The following MTOR variants were observed in gnomAD, a reference collection of about 807,000 sequenced individuals.
MTOR encodes the protein mechanistic target of rapamycin kinase.
Under a neutral mutation model 319.8 loss-of-function variants are expected in MTOR, and 70 were observed. That is an observed-to-expected ratio of 0.22 (90% confidence interval 0.18 to 0.27). The LOEUF (loss-of-function observed/expected upper bound fraction) is 0.27, where lower values mean the gene tolerates loss of function less well. Ranked by LOEUF, MTOR falls within the 10% of genes least tolerant of loss-of-function variation. MTOR has a pLI of 1.00. For missense variants in MTOR, 1,890 were observed against 3,274.4 expected (o/e 0.58, Z 10.32); for synonymous variants, 1,183 against 1,211.4 (o/e 0.98, Z 0.49).
In MTOR at chr1:11,144,280, A is replaced by C. The variant is rs566368830; in HGVS notation, c.4872+368T>G. 3.9e-5 allele frequency: 7 copies of C among 178,326 alleles called. No homozygotes were observed. In the South Asian group the frequency reaches 8.7e-4, roughly 22 times the overall value. 11.0% of individuals were successfully genotyped at this position (178,326 alleles called of 1,614,324 possible). On this transcript the variant is annotated intron_variant, in intron 34 of 57. Coordinates refer to ENST00000361445, the MANE Select transcript of MTOR (RefSeq NM_004958.4). Reference sequence around the variant, plus strand: ...CCCCAGAAATTTAATTGGCCTGGGGAATAGCCTGGGCATCAGGATTTTAAA... The same window carrying C: ...CCCCAGAAATTTAATTGGCCTGGGGCATAGCCTGGGCATCAGGATTTTAAA...
At chr1:11,108,107 T>C in intron 57 of MTOR, 74 bp downstream of exon 57, 1 of 1,196,284 alleles carries the variant, frequency 8.4e-7, no homozygotes, top group Non-Finnish European at 1.2e-6. Context: ...CTCTTTTTGC[T>C]ACTCTGGCTT....
chr1:11,255,963 T>C lies in MTOR; in HGVS notation c.705+29A>G. On this transcript the variant is annotated intron_variant, in intron 5 of 57. Transcript: ENST00000361445. Reference sequence around the variant, plus strand: ...GATTCTCTACGCAGATGTGCTTTGCTAGTGGTGGGAATGGAGCCATCTCCT... The same window carrying C: ...GATTCTCTACGCAGATGTGCTTTGCCAGTGGTGGGAATGGAGCCATCTCCT... 1.9e-6 allele frequency: 3 copies of C among 1,599,276 alleles called. No individual in the cohort carries two copies. The South Asian group carries it at 3.3e-5, about 18-fold the overall frequency.
intron 21 of MTOR, 22 bp downstream of exon 21, chr1:11,213,377 G>A (rs1360573069): frequency 6.2e-7 from 1 of 1,601,932 alleles, no homozygotes; most frequent in Admixed American, 1.7e-5. Context: ...AATCTCTCTG[G>A]AGGATGACGT....
At position 11,199,862 on chromosome 1, in the gene MTOR, T is replaced by C. The variant is rs955721737; in HGVS notation, c.3945-159A>G. ...TCCAAGAGAATTTTCCTGTCCAATA[T>C]GGTAGCCAGTGATCACTAAAGCACT... On this transcript the variant is annotated intron_variant, in intron 26 of 57. Transcript: ENST00000361445. This position sits in a 1 kb window ranked among gnomAD's most constrained non-coding sequence, Gnocchi z 4.5. Among the ~76,000 whole-genome samples the C allele has an allele frequency of 6.6e-6, 1 of 152,208 alleles. No individual in the cohort carries two copies. Among genetic ancestry groups the C allele is most frequent in the African/African-American group, 2.4e-5 (1 of 41,454 alleles).
At chr1:11,166,788 T>C (rs577544563) in intron 29 of MTOR, among the ~76,000 whole-genome samples, 1 of 152,346 alleles carries the variant, frequency 6.6e-6, no homozygotes, top group African/African-American at 2.4e-5. Flanking sequence ...TAAAGACACA[T>C]GCACACATGA....
intron 21 of MTOR, 82 bp downstream of exon 21, chr1:11,213,317 T>G: frequency 6.9e-7 from 1 of 1,455,716 alleles, no homozygotes; most frequent in Non-Finnish European, 9.3e-7. Flanking sequence ...TCACTCAGAA[T>G]GAGGTCTCAG....
At position 11,212,384 on chromosome 1, in the gene MTOR, C is replaced by T. The variant is rs1646340449; in HGVS notation, c.3489G>A (p.Leu1163=). 3.1e-6 allele frequency: 5 copies of T among 1,614,098 alleles called. No individual in the cohort carries two copies. The South Asian group carries it at 5.5e-5, about 18-fold the overall frequency. The change falls in exon 23 of 58, where the codon CTG becomes CTA. Residue 1163 remains leucine, a synonymous_variant. Coordinates refer to ENST00000361445, the MANE Select transcript of MTOR (RefSeq NM_004958.4). The surrounding 1 kb of genome is among the most constrained non-coding windows in gnomAD (Gnocchi z 4.1). ...SRIIHPIVRT[L]DQSPELRSTA... ...TGGAGCGCAGTTCTGGGCTCTGGTC[C>T]AGTGTTCGAACAATAGGGTGAATGA...
Position 11,216,193 on chromosome 1 carries a change from C to T in MTOR, c.3072G>A (p.Lys1024=). 1 of 1,614,054 alleles carries T rather than the reference C, an allele frequency of 6.2e-7. No homozygotes were observed. The highest frequency in any genetic ancestry group is 8.5e-7 in the Non-Finnish European group (1 of 1,179,926). Residue 1024 remains lysine (K), a synonymous_variant, in exon 20 of 58, where the codon AAG becomes AAA. Transcript: ENST00000361445. ...QQLGMLVSFV[K]SHIRPYMDEI... ...CATCCATATAAGGTCTGATGTGGCT[C>T]TTCACAAAGGACACCAACATTCCCA...
intron 28 of MTOR, chr1:11,193,562 G>A: frequency 2.6e-6 from 4 of 1,564,158 alleles, no homozygotes; most frequent in Non-Finnish European, 3.5e-6. Context: ...CCTCACCAGA[G>A]TATCCCCTCT....
intron 28 of MTOR, among the ~76,000 whole-genome samples, chr1:11,198,600 T>C (rs974275969): frequency 2.0e-5 from 3 of 152,330 alleles, no homozygotes; most frequent in South Asian, 2.1e-4. Context: ...GAAGTTGATA[T>C]TCTCTGATAA....
intron 28 of MTOR, among the ~76,000 whole-genome samples, chr1:11,192,921 T>C (rs1192801616): frequency 1.3e-5 from 2 of 152,184 alleles, no homozygotes; most frequent in African/African-American, 4.8e-5. Flanking sequence ...AGATCATTCT[T>C]ATAACCACCA....
At position 11,129,322 on chromosome 1, in the gene MTOR, T is replaced by G. The variant is rs902000575; in HGVS notation, c.5715-371A>C. Among the ~76,000 whole-genome samples the G allele has an allele frequency of 9.8e-5, 15 of 152,338 alleles. No homozygotes were observed. Among genetic ancestry groups the G allele is most frequent in the Admixed American group, 2.6e-4 (4 of 15,298 alleles). On this transcript the variant is annotated intron_variant, in intron 40 of 57. Transcript: ENST00000361445. This position sits in a 1 kb window ranked among gnomAD's most constrained non-coding sequence, Gnocchi z 4.7. Reference sequence around the variant, plus strand: ...TCTTAGCTGGCTGGAGATCCTCAAATGAAGGAGGATGTGGACCTTGTCACC... The same window carrying G: ...TCTTAGCTGGCTGGAGATCCTCAAAGGAAGGAGGATGTGGACCTTGTCACC...
chr1:11,129,104 G>C lies in MTOR; in HGVS notation c.5715-153C>G, dbSNP rs1039155357. Among the ~76,000 whole-genome samples the C allele has an allele frequency of 1.3e-5, 2 of 152,220 alleles. No individual in the cohort carries two copies. The highest frequency in any genetic ancestry group is 3.8e-4 in the East Asian group (2 of 5,196). The stretch of plus-strand genomic sequence containing the variant: ...GCCTCCCATGGGAGCAGGTGTCTGT[G>C]ATGGGTGGCAGTGCTCTTGACTGAA... On this transcript the variant is annotated intron_variant, in intron 40 of 57. Coordinates refer to ENST00000361445, the MANE Select transcript of MTOR (RefSeq NM_004958.4). The surrounding 1 kb of genome is among the most constrained non-coding windows in gnomAD (Gnocchi z 4.7).
At position 11,130,711 on chromosome 1, in the gene MTOR, G is replaced by A. The variant is rs1258909652; in HGVS notation, c.5431C>T (p.Arg1811Cys). ...VLHYKHQNQARDEKKKLRHAS... is the reference protein window; with the variant it reads ...VLHYKHQNQACDEKKKLRHAS... ...TGACGCAGTTTCTTCTTCTCATCGCGGGCTTGGTTCTGATGTTTGTAGTGT... is the reference window on the plus strand; with the variant it reads ...TGACGCAGTTTCTTCTTCTCATCGCAGGCTTGGTTCTGATGTTTGTAGTGT... Residue 1811 changes from arginine (R) to cysteine (C), a missense_variant, in exon 39 of 58, where the codon CGC becomes TGC. By Grantham distance (180) the Arg-to-Cys change is radical. Around this residue, in one of 15 missense-constraint regions of MTOR, gnomAD observed 91 missense variants for 90.4 expected, o/e 1.01. Coordinates refer to ENST00000361445, the MANE Select transcript of MTOR (RefSeq NM_004958.4). The A allele has an allele frequency of 6.2e-6, 10 of 1,601,336 alleles. No homozygotes were observed. The highest frequency in any genetic ancestry group is 1.7e-5 in the Admixed American group (1 of 57,344).
intron 16 of MTOR, 112 bp from the exon 17 acceptor site, chr1:11,231,546 GA>G (rs1362876250): frequency 1.5e-6 from 2 of 1,339,758 alleles, no homozygotes; most frequent in Admixed American, 2.6e-5. Context: ...AAGAAGAAAA[GA>G]GGTTTCCAGT....
intron 25 of MTOR, among the ~76,000 whole-genome samples, chr1:11,205,910 A>AG (rs1646122232): frequency 6.6e-6 from 1 of 152,232 alleles, no homozygotes; most frequent in Non-Finnish European, 1.5e-5. Context: ...AAAGACCCCC[A>AG]GGTGCTATAC....
intron 12 of MTOR, 90 bp from the exon 13 acceptor site, chr1:11,238,138 TG>T: frequency 7.8e-7 from 1 of 1,279,164 alleles, no homozygotes; most frequent in Non-Finnish European, 1.1e-6. Context: ...ATCAGCGTAG[TG>T]GGAAGATTCC....
At chr1:11,191,541 T>C (rs1645531083) in intron 28 of MTOR, among the ~76,000 whole-genome samples, 1 of 152,172 alleles carries the variant, frequency 6.6e-6, no homozygotes, top group Non-Finnish European at 1.5e-5. Context: ...CTCTGAATCC[T>C]ATCAGAAAAG....
chr1:11,117,001 C>T lies in MTOR; in HGVS notation c.7016+3G>A. The T allele has an allele frequency of 6.3e-7, 1 of 1,599,300 alleles. No homozygotes were observed. Among genetic ancestry groups the T allele is most frequent in the East Asian group, 2.2e-5 (1 of 44,796 alleles). On this transcript the variant is annotated splice_donor_region_variant and intron_variant, in intron 50 of 57. Coordinates refer to ENST00000361445, the MANE Select transcript of MTOR (RefSeq NM_004958.4). ...ACTAAAAAAACCAAATTAAATTACT[C>T]ACCTATCTCCCAGGCCTAAAATATA...
Sources: gnomAD v4.1 joint callset for allele counts (sites outside exome capture counted in the v4.1 genomes callset) on GRCh38, gnomAD v4.1.1 for gene constraint, gnomAD v4.1.1 regional missense constraint, Gnocchi (gnomAD v3.1) non-coding constraint, MANE v1.5 for transcripts, NCBI Gene and HGNC (gene_info 2026-07-23, HGNC 2026-07-21) for gene names.